The following KIF26B variants were observed in gnomAD, a reference collection of about 807,000 sequenced individuals.
The protein encoded by KIF26B is kinesin family member 26B.
KIF26B carries 63 observed loss-of-function variants against 151.2 expected under a neutral mutation model. The observed-to-expected ratio is 0.42, with a 90% CI of 0.34 to 0.51. The LOEUF (loss-of-function observed/expected upper bound fraction) is 0.51. Among genes scored for constraint, KIF26B ranks in the 20% least tolerant of loss-of-function variants. KIF26B has a pLI of 0.07. For missense variants in KIF26B, 2,813 were observed against 2,913.6 expected (o/e 0.97, Z 0.79); for synonymous variants, 1,357 against 1,262.1 (o/e 1.08, Z -1.59).
At chr1:245,329,840 C>T (rs1672064929) in intron 2 of KIF26B, among the ~76,000 whole-genome samples, 1 of 152,172 alleles carries the variant, frequency 6.6e-6, no homozygotes, top group South Asian at 2.1e-4. Context: ...AAGAGACAGG[C>T]CTCACTCCGT....
chr1:245,456,328 A>C (rs921308723), intron 4 of KIF26B, among the ~76,000 whole-genome samples: 2 of 152,240 alleles, frequency 1.3e-5, no homozygotes, highest in Non-Finnish European at 2.9e-5. Context: ...ATATGTTTGC[A>C]CACAAATCTT....
chr1:245,541,027 G>A (rs1485170856), intron 5 of KIF26B, 77 bp downstream of exon 5: 1 of 1,191,352 alleles, frequency 8.4e-7, no homozygotes, highest in Non-Finnish European at 1.2e-6. Context: ...AGAAAATGAG[G>A]CCTCCAATGT....
chr1:245,540,611 A>G lies in KIF26B; in HGVS notation c.1167-156A>G, dbSNP rs1572114264. 6.5e-6 allele frequency: 5 copies of G among 769,684 alleles called. No homozygotes were observed. Among genetic ancestry groups the G allele is most frequent in the Middle Eastern group, 2.2e-4 (1 of 4,450 alleles). 47.7% of individuals were successfully genotyped at this position (769,684 alleles called of 1,614,324 possible). A position where few individuals can be genotyped will look rare whatever the true frequency, so the allele number is the denominator to read the frequency against. On this transcript the variant is annotated intron_variant, in intron 4 of 14. Transcript: ENST00000407071. The surrounding 1 kb of genome is among the most constrained non-coding windows in gnomAD (Gnocchi z 4.6). ...GGTAGCTCGTTAACTTCACTCTGTT[A>G]TAGTAAGGGACTGCTACAGAGGACA...
At chr1:245,388,973 T>A (rs1673621250) in intron 3 of KIF26B, among the ~76,000 whole-genome samples, 1 of 152,226 alleles carries the variant, frequency 6.6e-6, no homozygotes, top group South Asian at 2.1e-4. Flanking sequence ...AAGTCAGGCT[T>A]GCAGTAAAAG....
rs34022501 is a variant in KIF26B at position 245,619,603 on chromosome 1, C to CAA, written c.2098+7645_2098+7646dup. 4.1e-3 allele frequency among the ~76,000 whole-genome samples: 453 copies of CAA among 110,684 alleles called. 2 individuals carry two copies. Among genetic ancestry groups the CAA allele is most frequent in the African/African-American group, 8.3e-3 (233 of 27,974 alleles). The allele number at this position is 110,684 out of a possible 152,430, so 72.6% of individuals were successfully genotyped here. A position where few individuals can be genotyped will look rare whatever the true frequency, so the allele number is the denominator to read the frequency against. On this transcript the variant is annotated intron_variant, in intron 9 of 14. Transcript: ENST00000407071. The stretch of plus-strand genomic sequence containing the variant: ...CCTGGGCAATAGAGGGAAACTGTTT[C>CAA]AAAAAAAAAAAAAAAAAAAGAATCT...
chr1:245,385,137 C>A (rs1490717476), intron 3 of KIF26B, among the ~76,000 whole-genome samples: 1 of 152,172 alleles, frequency 6.6e-6, no homozygotes, highest in East Asian at 1.9e-4. Flanking sequence ...AAAATAAGTT[C>A]ATTCTGTCAT....
chr1:245,409,814 G>A (rs112322831), intron 3 of KIF26B, among the ~76,000 whole-genome samples: 2,254 of 152,288 alleles, frequency 0.015, 58 homozygotes, highest in African/African-American at 0.051. Context: ...CATGAACTGC[G>A]AGGACTAGGC....
At chr1:245,334,673 A>T (rs1362434255) in intron 2 of KIF26B, among the ~76,000 whole-genome samples, 1 of 152,174 alleles carries the variant, frequency 6.6e-6, no homozygotes. Context: ...CAGACAAAGG[A>T]ACAGAAACAG....
intron 4 of KIF26B, among the ~76,000 whole-genome samples, chr1:245,491,362 T>C (rs34050300): frequency 0.033 from 5,040 of 152,320 alleles, 131 homozygotes; most frequent in Non-Finnish European, 0.05. Context: ...TGCATTGTTG[T>C]CTGTTATGCT....
chr1:245,556,249 T>C (rs140930752), intron 5 of KIF26B, among the ~76,000 whole-genome samples: 4 of 135,916 alleles, frequency 2.9e-5, no homozygotes, highest in African/African-American at 7.8e-5. Flanking sequence ...TTCCTCCTTC[T>C]TCCTCCTTCC....
At chr1:245,521,878 TG>T (rs952907292) in intron 4 of KIF26B, among the ~76,000 whole-genome samples, 3 of 151,696 alleles carry the variant, frequency 2.0e-5, no homozygotes, top group Non-Finnish European at 4.4e-5. Flanking sequence ...TCTTTTTTTT[TG>T]TTTTGAGATG....
intron 4 of KIF26B, among the ~76,000 whole-genome samples, chr1:245,532,906 G>A (rs1354509332): frequency 6.6e-6 from 1 of 152,176 alleles, no homozygotes; most frequent in East Asian, 1.9e-4. Flanking sequence ...AATGACTAGC[G>A]TGCTTCTTGG....
intron 2 of KIF26B, among the ~76,000 whole-genome samples, chr1:245,200,089 G>A (rs1669271253): frequency 6.6e-6 from 1 of 152,180 alleles, no homozygotes; most frequent in African/African-American, 2.4e-5. Flanking sequence ...ACACCCACAA[G>A]GAATGCACAC....
rs1672968295 is a variant in KIF26B, at chr1:245,366,931, C to T, written c.563C>T (p.Ala188Val). The change falls in exon 3 of 15, where the codon GCC becomes GTC. Residue 188 changes from alanine to valine, a missense_variant. Transcript: ENST00000407071. ...CGGGACAACCGCTGTGACATTTGCG[C>T]CACTCACCTGAACCAGTTGAAGCAG... ...NDRDNRCDICATHLNQLKQEA... is the reference protein window; with the variant it reads ...NDRDNRCDICVTHLNQLKQEA... The T allele has an allele frequency of 1.1e-5, 18 of 1,613,920 alleles. No individual in the cohort carries two copies. The East Asian group carries it at 4.0e-4, about 36-fold the overall frequency.
In KIF26B at chr1:245,184,271, T is replaced by C. The variant is rs370370837; in HGVS notation, c.465+27588T>C. Among the ~76,000 whole-genome samples, 30 of 151,908 alleles carry C rather than the reference T, an allele frequency of 2.0e-4. No individual in the cohort carries two copies. The East Asian group carries it at 4.6e-3, about 24-fold the overall frequency. On this transcript the variant is annotated intron_variant, in intron 2 of 14. Transcript: ENST00000407071. The stretch of plus-strand genomic sequence containing the variant: ...CTAATCACAAAGGCAAATTGAATGG[T>C]AGAGTGTCAAGGTGAACTTTAATAC...
intron 2 of KIF26B, among the ~76,000 whole-genome samples, chr1:245,301,253 C>T (rs1671424647): frequency 6.6e-6 from 1 of 152,192 alleles, no homozygotes; most frequent in Non-Finnish European, 1.5e-5. Flanking sequence ...GGCCGAGGCT[C>T]CCTGGCCAGG....
At position 245,166,807 on chromosome 1, in the gene KIF26B, C is replaced by T. The variant is rs1255931294; in HGVS notation, c.465+10124C>T. On this transcript the variant is annotated intron_variant, in intron 2 of 14. Transcript: ENST00000407071. The surrounding 1 kb of genome is among the most constrained non-coding windows in gnomAD (Gnocchi z 4.5). ...TCTGGGAATAAAGAAGTCACCCTCC[C>T]CCACCAAGCAGGATATCCTGCACAT... Among the ~76,000 whole-genome samples the T allele has an allele frequency of 2.0e-5, 3 of 152,146 alleles. No homozygotes were observed. The highest frequency in any genetic ancestry group is 4.4e-5 in the Non-Finnish European group (3 of 68,038).
chr1:245,411,343 A>G (rs960856989), intron 3 of KIF26B, among the ~76,000 whole-genome samples: 1 of 152,172 alleles, frequency 6.6e-6, no homozygotes, highest in Admixed American at 6.5e-5. Context: ...GCACGGGAAG[A>G]AAGAGTTGAG....
rs866914399 is a variant in KIF26B, at chr1:245,247,031, G to C, written c.465+90348G>C. Among the ~76,000 whole-genome samples, 10 of 152,168 alleles carry C rather than the reference G, an allele frequency of 6.6e-5. No individual in the cohort carries two copies. In the Middle Eastern group the frequency reaches 0.014, roughly 207 times the overall value. On this transcript the variant is annotated intron_variant, in intron 2 of 14. Coordinates refer to ENST00000407071, the MANE Select transcript of KIF26B (RefSeq NM_018012.4). ...CACCACATTGACACTGATGTAGATT[G>C]TAAGTGCAGAGGGGCCAGAGGGTAA...
Sources: gnomAD v4.1 joint callset for allele counts (sites outside exome capture counted in the v4.1 genomes callset) on GRCh38, gnomAD v4.1.1 for gene constraint, Gnocchi (gnomAD v3.1) non-coding constraint, MANE v1.5 for transcripts, NCBI Gene and HGNC (gene_info 2026-07-23, HGNC 2026-07-21) for gene names.